The following SIPA1L1 variants were observed in gnomAD, a reference collection of about 807,000 sequenced individuals.
The protein encoded by SIPA1L1 is signal-induced proliferation-associated 1-like protein 1.
In SIPA1L1, 26 loss-of-function variants were observed where a neutral mutation model predicts 162.7. The ratio of observed to expected loss-of-function variants is 0.16; its 90% CI spans 0.12 to 0.22. SIPA1L1 has a LOEUF of 0.22. Ranked by LOEUF, SIPA1L1 falls within the 10% of genes least tolerant of loss-of-function variation. The pLI is 1.00. For synonymous variants in SIPA1L1, 829 were observed against 837.4 expected, an observed-to-expected ratio of 0.99 and a Z score of 0.17; for missense variants, 1,874 against 2,241.0, an observed-to-expected ratio of 0.84 and a Z score of 3.31.
chr14:71,632,034 C>G (rs1244412536), intron 7 of SIPA1L1, among the ~76,000 whole-genome samples: 2 of 152,202 alleles, frequency 1.3e-5, no homozygotes, highest in East Asian at 1.9e-4. Context: ...ACCGGCCCAT[C>G]CATTGAGAAT....
chr14:71,701,189 G>A (rs954976079), intron 14 of SIPA1L1, among the ~76,000 whole-genome samples: 1 of 151,952 alleles, frequency 6.6e-6, no homozygotes, highest in Non-Finnish European at 1.5e-5. Context: ...ATGGGGGTTG[G>A]AACTTGGCCC....
intron 2 of SIPA1L1, among the ~76,000 whole-genome samples, chr14:71,510,177 C>CTTTTTTTTTTTTTTT (rs985233367): frequency 1.3e-5 from 1 of 77,468 alleles, no homozygotes; most frequent in Non-Finnish European, 2.2e-5. Context: ...TCCCCCCCAC[C>CTTTTTTTTTTTTTTT]TTTTTTTTTT....
intron 7 of SIPA1L1, among the ~76,000 whole-genome samples, chr14:71,626,608 A>G (rs936970349): frequency 2.0e-5 from 3 of 152,206 alleles, no homozygotes; most frequent in Admixed American, 2.0e-4. Flanking sequence ...ATGCATATGA[A>G]TCATTGCAAA....
At chr14:71,454,812 T>C (rs2046073392) in intron 2 of SIPA1L1, among the ~76,000 whole-genome samples, 1 of 152,180 alleles carries the variant, frequency 6.6e-6, no homozygotes, top group Non-Finnish European at 1.5e-5. Context: ...AAAGCACACA[T>C]GAGATGGGCC....
At chr14:71,388,116 AT>A (rs767367667) in intron 2 of SIPA1L1, among the ~76,000 whole-genome samples, 85 of 152,372 alleles carry the variant, frequency 5.6e-4, no homozygotes, top group Non-Finnish European at 1.2e-3. Context: ...TGTGCAGAAA[AT>A]GGCATTTATT....
At chr14:71,519,612 G>C (rs1201335475) in intron 3 of SIPA1L1, among the ~76,000 whole-genome samples, 1 of 151,844 alleles carries the variant, frequency 6.6e-6, no homozygotes, top group African/African-American at 2.4e-5. Context: ...ATTGTTTGAG[G>C]CTGGGAGTTT....
rs377441301 is a variant in SIPA1L1, at chr14:71,366,320, A to G, written c.-465+45139A>G. 5.3e-5 allele frequency among the ~76,000 whole-genome samples: 8 copies of G among 152,172 alleles called. No individual in the cohort carries two copies. The East Asian group carries it at 1.2e-3, about 22-fold the overall frequency. On this transcript the variant is annotated intron_variant, in intron 2 of 23. Coordinates refer to ENST00000381232, the MANE Select transcript of SIPA1L1 (RefSeq NM_001386936.1). ...TTGAACTTTCACAGGAACCAGAAGC[A>G]CTGCAGAGAGAGAGAATGCCTTGGT...
At chr14:71,707,393 G>C (rs2082530557) in intron 16 of SIPA1L1, among the ~76,000 whole-genome samples, 1 of 152,136 alleles carries the variant, frequency 6.6e-6, no homozygotes, top group African/African-American at 2.4e-5. Context: ...TGAGTGAGTT[G>C]TAGCAGCATT....
At chr14:71,532,148 T>G (rs966360969) in intron 4 of SIPA1L1, among the ~76,000 whole-genome samples, 1 of 152,216 alleles carries the variant, frequency 6.6e-6, no homozygotes, top group African/African-American at 2.4e-5. Context: ...ATTAACATCT[T>G]TTGTTGAAAT....
intron 2 of SIPA1L1, among the ~76,000 whole-genome samples, chr14:71,485,636 T>G (rs1478034278): frequency 6.6e-6 from 1 of 152,066 alleles, no homozygotes; most frequent in Non-Finnish European, 1.5e-5. Context: ...TGGTGAGTTG[T>G]ATAATTATTT....
At chr14:71,613,670 C>T (rs1036297365) in intron 5 of SIPA1L1, among the ~76,000 whole-genome samples, 1 of 152,174 alleles carries the variant, frequency 6.6e-6, no homozygotes, top group African/African-American at 2.4e-5. Context: ...ACTCCCTCAT[C>T]CTTACTCCCC....
intron 3 of SIPA1L1, among the ~76,000 whole-genome samples, chr14:71,518,883 G>A (rs1356296402): frequency 1.3e-5 from 2 of 152,080 alleles, no homozygotes; most frequent in Non-Finnish European, 2.9e-5. Flanking sequence ...GAATCATGAC[G>A]GGAGGCAAAA....
At chr14:71,410,710 C>T (rs1159751431) in intron 2 of SIPA1L1, among the ~76,000 whole-genome samples, 3 of 152,130 alleles carry the variant, frequency 2.0e-5, no homozygotes, top group Admixed American at 6.5e-5. Flanking sequence ...TAAGAATACT[C>T]AGCCTTGGAT....
chr14:71,494,550 TCTTA>T (rs1273951790), intron 2 of SIPA1L1, among the ~76,000 whole-genome samples: 4 of 145,114 alleles, frequency 2.8e-5, no homozygotes, highest in African/African-American at 1.0e-4. Context: ...TGAGACAGGG[TCTTA>T]CTTACTGTGT....
At chr14:71,355,552 A>T (rs1485182444) in intron 2 of SIPA1L1, among the ~76,000 whole-genome samples, 1 of 152,238 alleles carries the variant, frequency 6.6e-6, no homozygotes, top group Admixed American at 6.5e-5. Context: ...ACACTGCAGG[A>T]TTCTCCATAA....
chr14:71,364,478 C>G (rs1371601687), intron 2 of SIPA1L1, among the ~76,000 whole-genome samples: 1 of 152,142 alleles, frequency 6.6e-6, no homozygotes, highest in Non-Finnish European at 1.5e-5. Flanking sequence ...TGGCTACTTT[C>G]ATTTAACATA....
At chr14:71,603,861 G>C (rs529897727) in intron 5 of SIPA1L1, among the ~76,000 whole-genome samples, 540 of 150,096 alleles carry the variant, frequency 3.6e-3, no homozygotes, top group Non-Finnish European at 5.5e-3. Flanking sequence ...GTTGCGGTGA[G>C]CCGAGATTGC....
intron 2 of SIPA1L1, among the ~76,000 whole-genome samples, chr14:71,433,345 C>T (rs2044140182): frequency 6.6e-6 from 1 of 152,126 alleles, no homozygotes; most frequent in Admixed American, 6.5e-5. Flanking sequence ...GAGATAGTGC[C>T]TCATTCTCTT....
At chr14:71,650,942 TG>T (rs898867143) in intron 8 of SIPA1L1, among the ~76,000 whole-genome samples, 1 of 152,216 alleles carries the variant, frequency 6.6e-6, no homozygotes, top group Non-Finnish European at 1.5e-5. Flanking sequence ...TTTGTTTTTT[TG>T]TATTCTTTTT....
Sources: allele counts gnomAD v4.1 joint callset (sites outside exome capture counted in the v4.1 genomes callset), GRCh38; gene constraint gnomAD v4.1.1; transcripts MANE v1.5; gene names NCBI Gene and HGNC (gene_info 2026-07-23, HGNC 2026-07-21).